The following TET3 variants were observed in gnomAD, a reference collection of about 807,000 sequenced individuals.
The protein encoded by TET3 is methylcytosine dioxygenase TET3.
TET3 carries 19 observed loss-of-function variants against 141.4 expected under a neutral mutation model. The ratio of observed to expected loss-of-function variants is 0.13; its 90% confidence interval spans 0.09 to 0.20. The LOEUF is 0.20. Ranked by LOEUF, TET3 falls within the 10% of genes least tolerant of loss-of-function variation. The pLI, the probability that TET3 is intolerant of heterozygous loss-of-function variation, is 1.00. For missense variants in TET3, 1,874 were observed against 2,356.9 expected, an observed-to-expected ratio of 0.80 and a Z score of 4.24; for synonymous variants, 1,043 against 980.9, an observed-to-expected ratio of 1.06 and a Z score of -1.18.
intron 4 of TET3, among the ~76,000 whole-genome samples, chr2:74,069,069 ATACT>A (rs994506431): frequency 8.6e-5 from 13 of 151,978 alleles, no homozygotes; most frequent in African/African-American, 2.7e-4. Context: ...ATTTTATGTC[ATACT>A]TAGAGAAGAC....
At chr2:73,997,311 G>T (rs1684644370) in intron 2 of TET3, among the ~76,000 whole-genome samples, 2 of 152,170 alleles carry the variant, frequency 1.3e-5, no homozygotes, top group Admixed American at 6.5e-5. Flanking sequence ...GGAGGACATG[G>T]GTGGCTCTTT....
At chr2:74,117,169 T>C in the TET3 span, among the ~76,000 whole-genome samples, 3 of 152,240 alleles carry the variant, frequency 2.0e-5, no homozygotes, top group Middle Eastern at 3.4e-3. Flanking sequence ...CTCCACCTCC[T>C]GGGTTCAAGC....
At chr2:74,020,308 C>G (rs1573707813) in intron 3 of TET3, among the ~76,000 whole-genome samples, 1 of 152,164 alleles carries the variant, frequency 6.6e-6, no homozygotes, top group South Asian at 2.1e-4. Context: ...CTCAGCCTCC[C>G]TAGTAGTTGG....
chr2:74,052,179 C>T (rs900096100), intron 4 of TET3, among the ~76,000 whole-genome samples: 3 of 152,150 alleles, frequency 2.0e-5, no homozygotes, highest in African/African-American at 4.8e-5. Flanking sequence ...GGGGTTTCAC[C>T]GTGTTGCCCA....
intron 3 of TET3, among the ~76,000 whole-genome samples, chr2:74,005,865 A>C (rs1002438946): frequency 6.6e-6 from 1 of 152,202 alleles, no homozygotes; most frequent in Non-Finnish European, 1.5e-5. Flanking sequence ...TATCTCAAGG[A>C]ACATGCTATA....
intron 4 of TET3, among the ~76,000 whole-genome samples, chr2:74,068,387 T>G (rs1431867694): frequency 6.6e-6 from 1 of 152,200 alleles, no homozygotes; most frequent in East Asian, 1.9e-4. Flanking sequence ...TTTCTCCCAC[T>G]TAAAATATCT....
At chr2:74,086,270 G>C (rs1167254017) in intron 6 of TET3, among the ~76,000 whole-genome samples, 1 of 152,034 alleles carries the variant, frequency 6.6e-6, no homozygotes, top group Admixed American at 6.5e-5. Context: ...CAGGCCTCTT[G>C]GCCCTGACAT....
chr2:74,076,241 C>T (rs1162119678), intron 5 of TET3, among the ~76,000 whole-genome samples: 2 of 151,954 alleles, frequency 1.3e-5, no homozygotes, highest in Non-Finnish European at 2.9e-5. Context: ...AGGAATTCCT[C>T]TCAAGACCAG....
intron 3 of TET3, among the ~76,000 whole-genome samples, chr2:74,031,133 G>C (rs1686663035): frequency 6.6e-6 from 1 of 152,138 alleles, no homozygotes; most frequent in African/African-American, 2.4e-5. Context: ...AGGCTGAGCG[G>C]TGGGGCCTTG....
At chr2:74,116,495 T>C in the TET3 span, among the ~76,000 whole-genome samples, 10 of 151,452 alleles carry the variant, frequency 6.6e-5, no homozygotes, top group Non-Finnish European at 1.2e-4. Flanking sequence ...CCAGCCAACA[T>C]GGTGAAATCC....
At chr2:74,118,570 G>A in the TET3 span, among the ~76,000 whole-genome samples, 1 of 152,098 alleles carries the variant, frequency 6.6e-6, no homozygotes, top group Non-Finnish European at 1.5e-5. Context: ...CTGGTCAACA[G>A]TAGCCTATTA....
chr2:74,120,172 C>G, the TET3 span, among the ~76,000 whole-genome samples: 37 of 152,364 alleles, frequency 2.4e-4, no homozygotes, highest in African/African-American at 8.7e-4. Flanking sequence ...TCGGGCTCCT[C>G]CCGGGGGAAC....
chr2:74,101,266 T>C lies in TET3; in HGVS notation c.4478T>C (p.Phe1493Ser). ...SHFTDGQWGL[F>S]PGEGQQAASH... The stretch of plus-strand genomic sequence containing the variant: ...TTCACAGATGGCCAGTGGGGGCTGT[T>C]CCCCGGTGAGGGGCAGCAGGCAGCT... Residue 1493 changes from phenylalanine (F) to serine (S), a missense_variant, in exon 12 of 12, where the codon TTC becomes TCC. Physicochemically the swap from Phe to Ser is radical, Grantham distance 155. Around this residue, in one of 10 missense-constraint regions of TET3, gnomAD observed 602 missense variants for 590.2 expected, o/e 1.02. Coordinates refer to ENST00000409262, the MANE Select transcript of TET3 (RefSeq NM_001287491.2). This position sits in a 1 kb window ranked among gnomAD's most constrained non-coding sequence, Gnocchi z 8.5. 6.2e-7 allele frequency: 1 copy of C among 1,612,590 alleles called. No individual in the cohort carries two copies. Among genetic ancestry groups the C allele is most frequent in the Non-Finnish European group, 8.5e-7 (1 of 1,179,374 alleles).
Position 74,101,939 on chromosome 2 carries a change from G to A in TET3, c.5151G>A (p.Ala1717=), listed in dbSNP as rs201890863. 1.6e-3 allele frequency: 2,547 copies of A among 1,613,156 alleles called. 11 individuals are homozygous for A. Among genetic ancestry groups the A allele is most frequent in the South Asian group, 6.5e-3 (590 of 91,062 alleles). ...GGGAAGCCAAGATGAAGCAGCTGGC[G>A]GAGAGGGCACGGGCACGGCAGGAGG... ...ALWEAKMKQL[A]ERARARQEEA... Residue 1717 remains alanine, a synonymous_variant, in exon 12 of 12, where the codon GCG becomes GCA. Transcript: ENST00000409262. This position sits in a 1 kb window ranked among gnomAD's most constrained non-coding sequence, Gnocchi z 8.5.
At chr2:74,001,398 AAGG>A (rs1684843183) in intron 2 of TET3, among the ~76,000 whole-genome samples, 1 of 152,200 alleles carries the variant, frequency 6.6e-6, no homozygotes, top group African/African-American at 2.4e-5. Flanking sequence ...TGAGAATGAG[AAGG>A]AGCACCCAGT....
chr2:74,016,038 G>A (rs535772581), intron 3 of TET3, among the ~76,000 whole-genome samples: 1 of 151,840 alleles, frequency 6.6e-6, no homozygotes, highest in Non-Finnish European at 1.5e-5. Context: ...TATATTATCA[G>A]TATATTAAGA....
intron 3 of TET3, among the ~76,000 whole-genome samples, chr2:74,009,691 T>C (rs1685326288): frequency 6.6e-6 from 1 of 152,220 alleles, no homozygotes; most frequent in Non-Finnish European, 1.5e-5. Flanking sequence ...CCCCTTGTGC[T>C]TTGATCTCAG....
chr2:74,098,211 C>T (rs887955338), intron 10 of TET3, among the ~76,000 whole-genome samples: 1 of 151,964 alleles, frequency 6.6e-6, no homozygotes, highest in Non-Finnish European at 1.5e-5. Flanking sequence ...AAGAATCTTA[C>T]AAAATTTAGC....
chr2:74,117,757 T>TA, the TET3 span, among the ~76,000 whole-genome samples: 5,023 of 151,970 alleles, frequency 0.033, 293 homozygotes, highest in African/African-American at 0.11. Context: ...ATTATATATA[T>TA]TTTTTTATAA....
Sources: allele counts gnomAD v4.1 joint callset (sites outside exome capture counted in the v4.1 genomes callset), GRCh38; gene constraint gnomAD v4.1.1; regional missense constraint gnomAD v4.1.1; non-coding constraint Gnocchi (gnomAD v3.1); transcripts MANE v1.5; gene names NCBI Gene and HGNC (gene_info 2026-07-23, HGNC 2026-07-21).